Variants in SPATA7 observed in about 807,000 individuals in gnomAD.
SPATA7 encodes spermatogenesis-associated protein 7.
A neutral mutation model predicts 51.8 loss-of-function variants in SPATA7; 43 were observed. That is an observed-to-expected ratio of 0.83 (90% CI 0.65 to 1.07). The LOEUF is 1.07. Ranked by LOEUF, SPATA7 falls within the 50% of genes least tolerant of loss-of-function variation. The pLI, the probability that SPATA7 is intolerant of heterozygous loss-of-function variation, is 0.00. For synonymous variants in SPATA7, 230 were observed against 252.8 expected, an observed-to-expected ratio of 0.91 and a Z score of 0.86; for missense variants, 683 against 701.3, an observed-to-expected ratio of 0.97 and a Z score of 0.30.
At chr14:88,467,896 G>C in intron 4 of SPATA7, 4 of 569,508 alleles carry the variant, frequency 7.0e-6, no homozygotes, top group Non-Finnish European at 1.2e-5. Flanking sequence ...CGGACAGACC[G>C]GGGCAGGGCA....
chr14:88,452,913 A>G (rs898040810), intron 3 of SPATA7, among the ~76,000 whole-genome samples: 11 of 152,142 alleles, frequency 7.2e-5, no homozygotes, highest in Non-Finnish European at 1.0e-4. Context: ...CTTCACACAT[A>G]GAGGTCCTCT....
Position 88,437,848 on chromosome 14 carries a change from G to A in SPATA7, c.1226G>A (p.Arg409His), listed in dbSNP as rs914467251. Residue 409 changes from arginine (R) to histidine (H), a missense_variant, in exon 12 of 12, where the codon CGC becomes CAC. Physicochemically the swap from Arg to His is conservative, Grantham distance 29. Transcript: ENST00000393545. Reference sequence around the variant, plus strand: ...TTTTCTTAATCCTAGGAAAAAATGCGCCACCTGCTGCATGTCCTGAAAGTA... The same window carrying A: ...TTTTCTTAATCCTAGGAAAAAATGCACCACCTGCTGCATGTCCTGAAAGTA... Reference protein sequence around the residue: ...QNKHLEEEKMRHLLHVLKVDL... With the variant: ...QNKHLEEEKMHHLLHVLKVDL... 25 of 1,588,554 alleles carry A rather than the reference G, an allele frequency of 1.6e-5. No homozygotes were observed. The East Asian group carries it at 2.9e-4, about 18-fold the overall frequency.
chr14:88,449,476 A>G (rs951282609), intron 3 of SPATA7, among the ~76,000 whole-genome samples: 1 of 151,912 alleles, frequency 6.6e-6, no homozygotes, highest in Non-Finnish European at 1.5e-5. Flanking sequence ...ATGTGTTGAG[A>G]CTTGTTTTGT....
chr14:88,453,765 A>T (rs1436813467), intron 3 of SPATA7, among the ~76,000 whole-genome samples: 1 of 152,202 alleles, frequency 6.6e-6, no homozygotes, highest in Non-Finnish European at 1.5e-5. Flanking sequence ...ACCGATTCAT[A>T]CTTCAGTGAT....
rs765563285 is a variant in SPATA7 at position 88,391,620 on chromosome 14, T to C, written c.94+165T>C. ...TAGGCGTTCTTGAGATTAGAGAATTTTGGAGTCTATGATTTCAAACTATTA... is the reference window on the plus strand; with the variant it reads ...TAGGCGTTCTTGAGATTAGAGAATTCTGGAGTCTATGATTTCAAACTATTA... On this transcript the variant is annotated intron_variant, in intron 2 of 11. Transcript: ENST00000393545. The C allele has an allele frequency of 7.1e-6, 5 of 701,996 alleles. No homozygotes were observed. In the South Asian group the frequency reaches 7.5e-5, roughly 11 times the overall value. The allele number at this position is 701,996 out of a possible 1,614,324, so 43.5% of individuals were successfully genotyped here.
At position 88,393,382 on chromosome 14, in the gene SPATA7, T is replaced by A; in HGVS notation, c.95-11T>A. 3.9e-6 allele frequency: 6 copies of A among 1,546,536 alleles called. No homozygotes were observed. Among genetic ancestry groups the A allele is most frequent in the Non-Finnish European group, 5.3e-6 (6 of 1,137,146 alleles). On this transcript the variant is annotated splice_polypyrimidine_tract_variant and intron_variant, in intron 2 of 11. Coordinates refer to ENST00000393545, the MANE Select transcript of SPATA7 (RefSeq NM_018418.5). ...GTTTTAAATATATAATGATTATGTT[T>A]TAATTTTTAGCTTTTTGCACTGACT...
downstream of SPATA7, chr14:88,438,523 CAAT>C (rs1405424713): frequency 6.2e-6 from 6 of 973,612 alleles, no homozygotes; most frequent in Non-Finnish European, 9.6e-6. Context: ...TTCTGTGCTG[CAAT>C]AATAAGTTAC....
chr14:88,446,473 C>G (rs1566794179), intron 3 of SPATA7, among the ~76,000 whole-genome samples: 1 of 151,870 alleles, frequency 6.6e-6, no homozygotes, highest in Non-Finnish European at 1.5e-5. Flanking sequence ...TTTTTTGTGT[C>G]TCTATTTCCT....
At chr14:88,386,375 AG>A (rs2075577726) in intron 1 of SPATA7, among the ~76,000 whole-genome samples, 1 of 152,172 alleles carries the variant, frequency 6.6e-6, no homozygotes, top group African/African-American at 2.4e-5. Context: ...TGAGTAACCC[AG>A]GGTTTCTGTA....
intron 5 of SPATA7, among the ~76,000 whole-genome samples, chr14:88,423,071 A>T (rs1309082872): frequency 6.6e-6 from 1 of 152,058 alleles, no homozygotes; most frequent in African/African-American, 2.4e-5. Flanking sequence ...TCTGACTCAC[A>T]TGCTGTCACC....
At chr14:88,405,944 CAATT>C (rs957766293) in intron 4 of SPATA7, among the ~76,000 whole-genome samples, 22 of 152,132 alleles carry the variant, frequency 1.4e-4, no homozygotes, top group African/African-American at 5.1e-4. Flanking sequence ...TGCTTTTAGT[CAATT>C]AAGGCAGGAA....
At chr14:88,463,741 A>C (rs2077332177) in intron 4 of SPATA7, among the ~76,000 whole-genome samples, 1 of 152,206 alleles carries the variant, frequency 6.6e-6, no homozygotes, top group Admixed American at 6.5e-5. Context: ...AAACTATGCC[A>C]CCACTTTAAC....
downstream of SPATA7, among the ~76,000 whole-genome samples, chr14:88,459,430 G>T (rs1353143962): frequency 6.6e-6 from 1 of 152,156 alleles, no homozygotes; most frequent in Non-Finnish European, 1.5e-5. Flanking sequence ...TATATGTTTA[G>T]GATAATTAGC....
At chr14:88,391,514 C>T (rs1391436390) in intron 2 of SPATA7, 59 bp downstream of exon 2, 1 of 1,383,108 alleles carries the variant, frequency 7.2e-7, no homozygotes, top group Non-Finnish European at 1.0e-6. Context: ...GTTTCCTTTA[C>T]TGGCAAATTA....
chr14:88,418,238 T>C (rs759486019), intron 5 of SPATA7, among the ~76,000 whole-genome samples: 13 of 152,198 alleles, frequency 8.5e-5, no homozygotes, highest in Middle Eastern at 3.4e-3. Context: ...TTGTTTTCTG[T>C]TTTGTTAATA....
chr14:88,430,208 C>T (rs1326866543), intron 8 of SPATA7, among the ~76,000 whole-genome samples: 1 of 152,032 alleles, frequency 6.6e-6, no homozygotes, highest in Non-Finnish European at 1.5e-5. Context: ...TAGCAGACCA[C>T]TAGGGAAGTA....
intron 4 of SPATA7, among the ~76,000 whole-genome samples, chr14:88,413,973 TTG>T (rs920739879): frequency 8.5e-5 from 13 of 152,158 alleles, no homozygotes; most frequent in Non-Finnish European, 1.5e-5. Context: ...TTGAGCATTT[TTG>T]TGTCTATGTT....
At chr14:88,434,397 C>A (rs551536474) in intron 10 of SPATA7, among the ~76,000 whole-genome samples, 1 of 151,960 alleles carries the variant, frequency 6.6e-6, no homozygotes. Flanking sequence ...TTAGAAAAAA[C>A]AAAATAGGGC....
At chr14:88,465,178 A>G (rs2077348340) in intron 4 of SPATA7, among the ~76,000 whole-genome samples, 3 of 152,186 alleles carry the variant, frequency 2.0e-5, no homozygotes, top group African/African-American at 7.2e-5. Flanking sequence ...TAAAATGAGG[A>G]CTTTCTGGCT....
Sources: allele counts gnomAD v4.1 joint callset (sites outside exome capture counted in the v4.1 genomes callset), GRCh38; gene constraint gnomAD v4.1.1; transcripts MANE v1.5; gene names NCBI Gene and HGNC (gene_info 2026-07-23, HGNC 2026-07-21).